PDE4D: variants seen among roughly 807,000 people sequenced by gnomAD.
The protein encoded by PDE4D is phosphodiesterase 4D.
In PDE4D, 24 loss-of-function variants were observed where a neutral mutation model predicts 87.4. The ratio of observed to expected loss-of-function variants is 0.27; its 90% CI spans 0.20 to 0.39. The LOEUF (loss-of-function observed/expected upper bound fraction) is 0.39. Ranked by LOEUF, PDE4D falls within the 10% of genes least tolerant of loss-of-function variation. PDE4D has a pLI of 1.00. For missense variants in PDE4D, 714 were observed against 1,041.0 expected (o/e 0.69, Z 4.32); for synonymous variants, 384 against 383.2 (o/e 1.00, Z -0.02).
chr5:59,350,719 T>G (rs2153586703), intron 1 of PDE4D, among the ~76,000 whole-genome samples: 1 of 152,322 alleles, frequency 6.6e-6, no homozygotes, highest in East Asian at 1.9e-4. Flanking sequence ...TATTTTAGTG[T>G]TGTCTATGTG....
chr5:60,110,950 T>TA (rs1415998272), intron 2 of PDE4D, among the ~76,000 whole-genome samples: 2 of 151,880 alleles, frequency 1.3e-5, no homozygotes. Context: ...GGAGCTAAAA[T>TA]AAAAAATTCA....
At chr5:60,167,637 C>T (rs978812101) in intron 2 of PDE4D, among the ~76,000 whole-genome samples, 12 of 152,078 alleles carry the variant, frequency 7.9e-5, no homozygotes, top group Non-Finnish European at 1.5e-4. Flanking sequence ...TATATTTTAG[C>T]TCTAGGATTT....
chr5:59,443,216 C>T (rs1457767949), intron 1 of PDE4D, among the ~76,000 whole-genome samples: 1 of 152,106 alleles, frequency 6.6e-6, no homozygotes, highest in African/African-American at 2.4e-5. Flanking sequence ...ATTCAGTTTA[C>T]ACAACGACTC....
intron 2 of PDE4D, among the ~76,000 whole-genome samples, chr5:59,200,656 CAT>C (rs76562642): frequency 0.098 from 3,397 of 34,606 alleles, 328 homozygotes; most frequent in Non-Finnish European, 0.12. Context: ...CGTATACATA[CAT>C]ATGTGTATGT....
chr5:60,167,516 C>T (rs1322900925), intron 2 of PDE4D, among the ~76,000 whole-genome samples: 1 of 152,048 alleles, frequency 6.6e-6, no homozygotes, highest in Non-Finnish European at 1.5e-5. Context: ...GATCCGCCCG[C>T]CTCGGCCTGA....
chr5:59,417,886 T>C (rs1051660126), intron 1 of PDE4D, among the ~76,000 whole-genome samples: 1 of 152,186 alleles, frequency 6.6e-6, no homozygotes, highest in Non-Finnish European at 1.5e-5. Context: ...GCATGGACCA[T>C]TCCACGTTAG....
upstream of PDE4D, chr5:60,491,539 T>C (rs1428879734): frequency 1.3e-5 from 2 of 152,230 alleles, no homozygotes; most frequent in Non-Finnish European, 2.9e-5. Flanking sequence ...TTAGTACTCA[T>C]ATATTGCAGT....
intron 1 of PDE4D, among the ~76,000 whole-genome samples, chr5:59,230,354 T>C (rs1754887730): frequency 6.6e-6 from 1 of 152,162 alleles, no homozygotes; most frequent in Non-Finnish European, 1.5e-5. Flanking sequence ...AGGGGTGATC[T>C]TCAAACCATA....
At chr5:59,709,223 G>A (rs1753867345) in intron 1 of PDE4D, among the ~76,000 whole-genome samples, 1 of 152,084 alleles carries the variant, frequency 6.6e-6, no homozygotes, top group African/African-American at 2.4e-5. Flanking sequence ...ATAAGGAAAA[G>A]TGTTTAATAC....
intron 2 of PDE4D, among the ~76,000 whole-genome samples, chr5:60,092,022 G>A (rs1050890494): frequency 8.0e-6 from 1 of 125,738 alleles, no homozygotes; most frequent in African/African-American, 3.0e-5. Flanking sequence ...CTGCGCTCCA[G>A]CCTGGGCGAC....
intron 1 of PDE4D, chr5:59,275,438 C>A (rs1390380232): frequency 1.3e-6 from 2 of 1,592,588 alleles, no homozygotes; most frequent in Middle Eastern, 1.7e-4. Context: ...AAGTCTTCAA[C>A]TATTCTGATT....
chr5:59,688,823 G>C (rs1258554714), intron 1 of PDE4D, among the ~76,000 whole-genome samples: 2 of 151,492 alleles, frequency 1.3e-5, no homozygotes, highest in Non-Finnish European at 2.9e-5. Flanking sequence ...CGGACCACTA[G>C]CAAGACTAAT....
chr5:59,681,370 T>A (rs1162793304), intron 1 of PDE4D, among the ~76,000 whole-genome samples: 1 of 152,076 alleles, frequency 6.6e-6, no homozygotes, highest in Non-Finnish European at 1.5e-5. Flanking sequence ...AAGAAACATT[T>A]TTATGCATAA....
intron 5 of PDE4D, among the ~76,000 whole-genome samples, chr5:59,078,691 T>C: frequency 6.6e-6 from 1 of 151,972 alleles, no homozygotes; most frequent in Non-Finnish European, 1.5e-5. Flanking sequence ...TGTATTTTTT[T>C]GTATTGATAG....
intron 3 of PDE4D, among the ~76,000 whole-genome samples, chr5:59,978,726 A>T (rs1461259006): frequency 2.0e-5 from 3 of 152,172 alleles, no homozygotes; most frequent in Non-Finnish European, 4.4e-5. Context: ...GCTACAGAGA[A>T]ATTGTTCATG....
intron 7 of PDE4D, 103 bp downstream of exon 7, chr5:58,993,269 C>T: frequency 1.7e-6 from 1 of 592,564 alleles, no homozygotes; most frequent in Non-Finnish European, 3.0e-6. Context: ...GAACTTCTAA[C>T]ACTTGTTTGG....
chr5:59,424,383 A>G (rs1331662520), intron 1 of PDE4D, among the ~76,000 whole-genome samples: 1 of 152,172 alleles, frequency 6.6e-6, no homozygotes, highest in Non-Finnish European at 1.5e-5. Flanking sequence ...TTTCCTTCAT[A>G]AAACGTGTTC....
chr5:60,408,289 A>C (rs1384852817), intron 1 of PDE4D, among the ~76,000 whole-genome samples: 1 of 152,236 alleles, frequency 6.6e-6, no homozygotes, highest in Non-Finnish European at 1.5e-5. Context: ...TTTGTTACAC[A>C]GCAGCAGTCT....
chr5:60,168,147 A>C (rs1401500162), intron 2 of PDE4D, among the ~76,000 whole-genome samples: 1 of 152,098 alleles, frequency 6.6e-6, no homozygotes, highest in African/African-American at 2.4e-5. Flanking sequence ...GTTGCAAACC[A>C]CTCTGGCTAT....
Sources: gnomAD v4.1 joint callset for allele counts (sites outside exome capture counted in the v4.1 genomes callset) on GRCh38, gnomAD v4.1.1 for gene constraint, MANE v1.5 for transcripts, NCBI Gene and HGNC (gene_info 2026-07-23, HGNC 2026-07-21) for gene names.